The following RSBN1L variants were observed in gnomAD, a reference collection of about 807,000 sequenced individuals.
RSBN1L encodes the protein lysine-specific demethylase RSBN1L.
RSBN1L carries 30 observed loss-of-function variants against 67.7 expected under a neutral mutation model. The ratio of observed to expected loss-of-function variants is 0.44; its 90% CI spans 0.33 to 0.60. The LOEUF is 0.60. Among genes scored for constraint, RSBN1L ranks in the 20% least tolerant of loss-of-function variants. The pLI is 0.02. For missense variants in RSBN1L, 992 were observed against 1,031.7 expected (o/e 0.96, Z 0.53); for synonymous variants, 433 against 387.0 (o/e 1.12, Z -1.39).
chr7:77,697,207 G>C (rs566983988), intron 1 of RSBN1L, 152 bp downstream of exon 1: 1 of 796,126 alleles, frequency 1.3e-6, no homozygotes, highest in Non-Finnish European at 1.7e-6. Flanking sequence ...GGATTTTGCA[G>C]TTCCCAAGGG....
chr7:77,719,721 C>T (rs915644318), intron 1 of RSBN1L, among the ~76,000 whole-genome samples: 1 of 152,162 alleles, frequency 6.6e-6, no homozygotes, highest in South Asian at 2.1e-4. Context: ...TCACAGGCCA[C>T]TTTATCATGT....
rs1312645808 is a variant in RSBN1L at position 77,779,250 on chromosome 7, C to G, written c.*82C>G. On this transcript the variant is annotated 3_prime_UTR_variant, in exon 8 of 8. Transcript: ENST00000334955. ...ATGAATTCTGAAAGCAAGCCAAGGA[C>G]TTGCTCCTATGTCTGTTACAAAACA... The G allele has an allele frequency of 2.1e-6, 2 of 963,498 alleles. No individual in the cohort carries two copies. Among genetic ancestry groups the G allele is most frequent in the African/African-American group, 1.7e-5 (1 of 60,192 alleles). 59.7% of individuals were successfully genotyped at this position (963,498 alleles called of 1,614,324 possible). A position where few individuals can be genotyped will look rare whatever the true frequency, so the allele number is the denominator to read the frequency against.
rs1471575450 is a variant in RSBN1L at position 77,778,829 on chromosome 7, C to T, written c.2202C>T (p.Ser734=). Residue 734 remains serine (S), a synonymous_variant, in exon 8 of 8, where the codon TCC becomes TCT. Transcript: ENST00000334955. ...DNMICAVSKA[S]LDSVFSDKLH... ...TGATTTGTGCTGTAAGCAAAGCCTC[C>T]TTGGATTCTGTTTTTTCAGATAAAC... 6.2e-7 allele frequency: 1 copy of T among 1,614,056 alleles called. No homozygotes were observed. The highest frequency in any genetic ancestry group is 1.1e-5 in the South Asian group (1 of 91,082).
At chr7:77,768,446 A>C in intron 4 of RSBN1L, 1 of 513,796 alleles carries the variant, frequency 1.9e-6, no homozygotes, top group Non-Finnish European at 3.5e-6. Context: ...GGACAGAACC[A>C]TCCAAGCATA....
intron 3 of RSBN1L, among the ~76,000 whole-genome samples, chr7:77,763,674 A>G (rs1482136185): frequency 6.6e-6 from 1 of 152,220 alleles, no homozygotes; most frequent in African/African-American, 2.4e-5. Context: ...CAATGGGGGC[A>G]TAAGCCCCAG....
At chr7:77,759,045 G>T (rs1245449626) in intron 3 of RSBN1L, among the ~76,000 whole-genome samples, 1 of 152,108 alleles carries the variant, frequency 6.6e-6, no homozygotes, top group Non-Finnish European at 1.5e-5. Flanking sequence ...ATGATTAAAA[G>T]TCTATTATTT....
At chr7:77,701,338 C>T (rs533100795) in intron 1 of RSBN1L, among the ~76,000 whole-genome samples, 2 of 151,960 alleles carry the variant, frequency 1.3e-5, no homozygotes, top group South Asian at 2.1e-4. Flanking sequence ...TTTATTTTTC[C>T]GGATCTCATG....
chr7:77,712,298 T>G (rs889729891), intron 1 of RSBN1L, among the ~76,000 whole-genome samples: 7 of 152,052 alleles, frequency 4.6e-5, no homozygotes, highest in Admixed American at 3.9e-4. Flanking sequence ...TTTTTTTTTT[T>G]TTGAGACGGA....
At chr7:77,709,684 C>G (rs979297356) in intron 1 of RSBN1L, among the ~76,000 whole-genome samples, 4 of 152,080 alleles carry the variant, frequency 2.6e-5, no homozygotes, top group Non-Finnish European at 5.9e-5. Context: ...AGCCCCACCC[C>G]CTAATTTTCC....
At position 77,746,320 on chromosome 7, in the gene RSBN1L, C is replaced by T. The variant is rs148455453; in HGVS notation, c.704-3104C>T. Among the ~76,000 whole-genome samples, 140 of 152,230 alleles carry T rather than the reference C, an allele frequency of 9.2e-4. 4 individuals are homozygous for T. In the East Asian group the frequency reaches 0.022, roughly 24 times the overall value. On this transcript the variant is annotated intron_variant, in intron 2 of 7. Coordinates refer to ENST00000334955, the MANE Select transcript of RSBN1L (RefSeq NM_198467.3). ...GTGGAAGGTGAAGGGAAAGCAGGCA[C>T]GCCGTACATGGCCAGAGCAGGAGAG...
chr7:77,768,828 G>A, intron 5 of RSBN1L, 25 bp downstream of exon 5: 1 of 1,609,158 alleles, frequency 6.2e-7, no homozygotes, highest in Non-Finnish European at 8.5e-7. Context: ...CATTTTTATT[G>A]GAGGGGATGA....
intron 1 of RSBN1L, among the ~76,000 whole-genome samples, chr7:77,713,298 G>C (rs1446310069): frequency 6.6e-6 from 1 of 150,738 alleles, no homozygotes; most frequent in African/African-American, 2.4e-5. Flanking sequence ...GAAGTTTTCT[G>C]TTTTTATGTA....
At chr7:77,727,383 A>G (rs1791218399) in intron 1 of RSBN1L, among the ~76,000 whole-genome samples, 2 of 152,196 alleles carry the variant, frequency 1.3e-5, no homozygotes, top group South Asian at 4.1e-4. Context: ...CACCACGCCC[A>G]GCCCCCCATC....
chr7:77,723,934 CA>C (rs1237484001), intron 1 of RSBN1L, among the ~76,000 whole-genome samples: 194 of 104,894 alleles, frequency 1.8e-3, no homozygotes, highest in African/African-American at 1.0e-2. Flanking sequence ...AACTCTGTCT[CA>C]AAAAAAAAAT....
intron 2 of RSBN1L, among the ~76,000 whole-genome samples, chr7:77,745,099 T>G (rs1313759997): frequency 6.6e-6 from 1 of 151,960 alleles, no homozygotes; most frequent in Non-Finnish European, 1.5e-5. Context: ...CTGTCTCTAC[T>G]AAAAATACAA....
intron 1 of RSBN1L, among the ~76,000 whole-genome samples, chr7:77,707,732 T>G (rs1464793145): frequency 1.3e-5 from 2 of 152,214 alleles, no homozygotes; most frequent in African/African-American, 4.8e-5. Context: ...CTTTCTTTTT[T>G]TAAATTATAG....
intron 2 of RSBN1L, among the ~76,000 whole-genome samples, chr7:77,742,022 T>C (rs1390337232): frequency 6.6e-6 from 1 of 151,920 alleles, no homozygotes; most frequent in East Asian, 1.9e-4. Flanking sequence ...GTTGTACTTA[T>C]GGCTATGATT....
At position 77,697,050 on chromosome 7, in the gene RSBN1L, C is replaced by T. The variant is rs1003323841; in HGVS notation, c.581C>T (p.Pro194Leu). 1.4e-6 allele frequency: 2 copies of T among 1,478,636 alleles called. No homozygotes were observed. Among genetic ancestry groups the T allele is most frequent in the Non-Finnish European group, 1.8e-6 (2 of 1,117,028 alleles). The allele number at this position is 1,478,636 out of a possible 1,614,324, so 91.6% of individuals were successfully genotyped here. Residue 194 changes from proline to leucine, a missense_variant, in exon 1 of 8, where the codon CCC (proline) becomes CTC (leucine). Transcript: ENST00000334955. ...GAGAACGGGGAGGTGAAGCCGCTGC[C>T]CCGAGGTGGGTGCCGTGCGGGGAGG... ...REENGEVKPLPRDKIKDKIKE... is the reference protein window; with the variant it reads ...REENGEVKPLLRDKIKDKIKE...
chr7:77,701,125 C>G (rs1408095171), intron 1 of RSBN1L, among the ~76,000 whole-genome samples: 1 of 141,310 alleles, frequency 7.1e-6, no homozygotes, highest in African/African-American at 2.7e-5. Context: ...GTACTCCAGC[C>G]TGGGCGACAG....
Sources: allele counts gnomAD v4.1 joint callset (sites outside exome capture counted in the v4.1 genomes callset), GRCh38; gene constraint gnomAD v4.1.1; transcripts MANE v1.5; gene names NCBI Gene and HGNC (gene_info 2026-07-23, HGNC 2026-07-21).